TLCD3B: variants seen among roughly 807,000 people sequenced by gnomAD.
The protein encoded by TLCD3B is TLC domain containing 3B.
A neutral mutation model predicts 23.0 loss-of-function variants in TLCD3B; 9 were observed. The observed-to-expected ratio is 0.39, with a 90% CI of 0.24 to 0.68. The LOEUF (loss-of-function observed/expected upper bound fraction) is 0.68. TLCD3B is among the 30% of genes least tolerant of loss of function. The pLI is 0.44. For synonymous variants in TLCD3B, 161 were observed against 161.0 expected (o/e 1.00, Z 0.00); for missense variants, 307 against 371.8 (o/e 0.83, Z 1.43).
chr16:30,026,404 C>T (rs987851707), intron 3 of TLCD3B, among the ~76,000 whole-genome samples: 14 of 152,162 alleles, frequency 9.2e-5, no homozygotes, highest in Admixed American at 2.6e-4. Flanking sequence ...GGGCATCGTC[C>T]AGCCCAGGGC....
intron 3 of TLCD3B, among the ~76,000 whole-genome samples, chr16:30,040,672 T>A (rs968597320): frequency 8.6e-5 from 13 of 151,890 alleles, no homozygotes; most frequent in Middle Eastern, 3.4e-3. Context: ...TTTTTTAAAT[T>A]TGAGACAGAG....
rs756778368 is a variant in TLCD3B, at chr16:30,025,698, G to A, written c.540+28C>T. The A allele has an allele frequency of 1.2e-6, 2 of 1,609,216 alleles. No homozygotes were observed. The highest frequency in any genetic ancestry group is 1.7e-6 in the Non-Finnish European group (2 of 1,175,752). The stretch of plus-strand genomic sequence containing the variant: ...CCCCTTCCTGTGACCTCCCCATTGG[G>A]CTCCTGCACCCTCCCATGCTCACTC... On this transcript the variant is annotated intron_variant, in intron 4 of 4. Coordinates refer to ENST00000380495, the MANE Select transcript of TLCD3B (RefSeq NM_031478.6). This position sits in a 1 kb window ranked among gnomAD's most constrained non-coding sequence, Gnocchi z 4.1.
At chr16:30,044,547 G>A (rs1389786508) in intron 2 of TLCD3B, among the ~76,000 whole-genome samples, 1 of 151,716 alleles carries the variant, frequency 6.6e-6, no homozygotes, top group East Asian at 1.9e-4. Flanking sequence ...CCTGACCTCA[G>A]GCGATCTGCC....
chr16:30,030,742 GAGGGGAGGATGGGAGA>G lies in TLCD3B; in HGVS notation c.-231_-216del. On this transcript the variant is annotated 5_prime_UTR_variant, in exon 1 of 5. Coordinates refer to ENST00000380495, the MANE Select transcript of TLCD3B (RefSeq NM_031478.6). ...GGGGGCTGGCTGGGCAGAGACGGGG[GAGGGGAGGATGGGAGA>G]AGGGGAGCAGGAGCAGGCCAGCGAG... The G allele has an allele frequency of 9.1e-7, 1 of 1,102,004 alleles. No homozygotes were observed. The highest frequency in any genetic ancestry group is 1.1e-6 in the Non-Finnish European group (1 of 888,686). 68.3% of individuals were successfully genotyped at this position (1,102,004 alleles called of 1,614,324 possible). A position where few individuals can be genotyped will look rare whatever the true frequency, so the allele number is the denominator to read the frequency against.
chr16:30,026,790 T>G lies in TLCD3B; in HGVS notation c.263A>C (p.Asp88Ala). Residue 88 changes from aspartate (D) to alanine (A), a missense_variant, in exon 3 of 5, where the codon GAC becomes GCC. By Grantham distance (126) the Asp-to-Ala change is moderately radical. Transcript: ENST00000380495. ...GTGACAGAGGAACATGGCGTAGATG[T>G]CGTAGATGAAGTAGGGCACAGCAAA... ...TQFAVPYFIYDIYAMFLCHWH... is the reference protein window; with the variant it reads ...TQFAVPYFIYAIYAMFLCHWH... 6.2e-7 allele frequency: 1 copy of G among 1,614,048 alleles called. No homozygotes were observed. Among genetic ancestry groups the G allele is most frequent in the Non-Finnish European group, 8.5e-7 (1 of 1,180,004 alleles).
intron 3 of TLCD3B, among the ~76,000 whole-genome samples, chr16:30,040,499 C>T (rs545445180): frequency 2.6e-5 from 4 of 151,770 alleles, no homozygotes; most frequent in Non-Finnish European, 2.9e-5. Context: ...TAAATGTGAC[C>T]GCTGCCTTCC....
intron 3 of TLCD3B, chr16:30,036,288 A>G (rs1407752066): frequency 7.8e-7 from 1 of 1,283,980 alleles, no homozygotes; most frequent in African/African-American, 1.6e-5. Flanking sequence ...AAAACAAAAT[A>G]AAGCCAAAGC....
In TLCD3B at chr16:30,025,212, G is replaced by A. The variant is rs906719952; in HGVS notation, c.796C>T (p.Pro266Ser). 2 of 1,496,814 alleles carry A rather than the reference G, an allele frequency of 1.3e-6. No homozygotes were observed. Among genetic ancestry groups the A allele is most frequent in the Non-Finnish European group, 8.9e-7 (1 of 1,127,584 alleles). 92.7% of individuals were successfully genotyped at this position (1,496,814 alleles called of 1,614,324 possible). Residue 266 changes from proline to serine, a missense_variant, in exon 5 of 5, where the codon CCG (proline) becomes TCG (serine). Physicochemically the swap from Pro to Ser is moderately conservative, Grantham distance 74 (BLOSUM62 -1). Transcript: ENST00000380495. This position sits in a 1 kb window ranked among gnomAD's most constrained non-coding sequence, Gnocchi z 4.1. ...TCCTGGGCCTGGCAGGCCGGGGGCG[G>A]CCGGGAGCGGGGCCAGAAGAGGCGG... ...ACRLFWPRSR[P>S]PPACQAQD
At chr16:30,040,147 AATAT>A (rs1192651776) in intron 3 of TLCD3B, among the ~76,000 whole-genome samples, 4 of 95,910 alleles carry the variant, frequency 4.2e-5, no homozygotes, top group East Asian at 2.4e-4. Flanking sequence ...AAAAAAAAAA[AATAT>A]ATATATATAT....
Position 30,025,844 on chromosome 16 carries a change from G to A in TLCD3B, c.445-23C>T. 1.3e-6 allele frequency: 2 copies of A among 1,593,950 alleles called. No individual in the cohort carries two copies. Among genetic ancestry groups the A allele is most frequent in the African/African-American group, 1.3e-5 (1 of 74,640 alleles). On this transcript the variant is annotated intron_variant, in intron 3 of 4. Coordinates refer to ENST00000380495, the MANE Select transcript of TLCD3B (RefSeq NM_031478.6). The surrounding 1 kb of genome is among the most constrained non-coding windows in gnomAD (Gnocchi z 4.1). ...CACCTGGGCACAGAGGCAGGAAGGT[G>A]AGGAGCTGGGGCTCTCCCTGGGTTC...
chr16:30,028,569 C>T (rs931615825), intron 2 of TLCD3B, among the ~76,000 whole-genome samples: 6 of 152,184 alleles, frequency 3.9e-5, no homozygotes, highest in African/African-American at 1.4e-4. Flanking sequence ...GCAGCTGCCA[C>T]TTAACTCAAT....
At chr16:30,035,495 G>A, upstream of TLCD3B, 8 of 1,289,426 alleles carry the variant, frequency 6.2e-6, no homozygotes, top group Non-Finnish European at 7.1e-6. Flanking sequence ...CAGCCAAGAA[G>A]GCAGAAAAAG....
chr16:30,036,354 CTACATATATT>C (rs2071473679), intron 3 of TLCD3B: 1 of 1,288,432 alleles, frequency 7.8e-7, no homozygotes, highest in Admixed American at 2.3e-5. Flanking sequence ...AAGCCTGAAA[CTACATATATT>C]TACATAGATA....
chr16:30,047,214 G>A (rs1370058288), intron 1 of TLCD3B, among the ~76,000 whole-genome samples: 1 of 152,076 alleles, frequency 6.6e-6, no homozygotes, highest in Non-Finnish European at 1.5e-5. Flanking sequence ...TCGGCTCATT[G>A]CAACCTCTGC....
chr16:30,047,356 C>T (rs2150998953), intron 1 of TLCD3B, among the ~76,000 whole-genome samples: 1 of 152,198 alleles, frequency 6.6e-6, no homozygotes, highest in South Asian at 2.1e-4. Context: ...GAGTCTTCCT[C>T]TGTCACCCAG....
At chr16:30,035,492 G>A (rs748488712), upstream of TLCD3B, 5 of 1,289,426 alleles carry the variant, frequency 3.9e-6, no homozygotes, top group South Asian at 6.2e-5. Flanking sequence ...CTGCAGCCAA[G>A]AAGGCAGAAA....
chr16:30,038,941 T>G (rs2071526120), intron 3 of TLCD3B, among the ~76,000 whole-genome samples: 1 of 151,986 alleles, frequency 6.6e-6, no homozygotes. Flanking sequence ...ATTTTCTGAA[T>G]TTATTTGTCC....
In TLCD3B at chr16:30,025,159, G is replaced by A; in HGVS notation, c.*24C>T. The A allele has an allele frequency of 7.2e-7, 1 of 1,388,974 alleles. No individual in the cohort carries two copies. Among genetic ancestry groups the A allele is most frequent in the South Asian group, 1.5e-5 (1 of 66,056 alleles). The allele number at this position is 1,388,974 out of a possible 1,614,324, so 86.0% of individuals were successfully genotyped here. A position where few individuals can be genotyped will look rare whatever the true frequency, so the allele number is the denominator to read the frequency against. On this transcript the variant is annotated 3_prime_UTR_variant, in exon 5 of 5. Transcript: ENST00000380495. This position sits in a 1 kb window ranked among gnomAD's most constrained non-coding sequence, Gnocchi z 4.1. ...GTCTCCACGGGGGTGGGGGTGGGGA[G>A]GGGGAGGGTCCCGGCCCCCGGCCTC... is the stretch of plus-strand genomic sequence containing the variant.
At chr16:30,030,324 C>T (rs746271256) in intron 1 of TLCD3B, 79 bp downstream of exon 1, 12 of 1,400,436 alleles carry the variant, frequency 8.6e-6, no homozygotes, top group Non-Finnish European at 1.2e-5. Context: ...GCTGAGGGTC[C>T]AGAGAAGTGC....
Sources: gnomAD v4.1 joint callset for allele counts (sites outside exome capture counted in the v4.1 genomes callset) on GRCh38, gnomAD v4.1.1 for gene constraint, Gnocchi (gnomAD v3.1) non-coding constraint, MANE v1.5 for transcripts, NCBI Gene and HGNC (gene_info 2026-07-23, HGNC 2026-07-21) for gene names.